Variants in DIPK1C observed in about 807,000 individuals in gnomAD.
DIPK1C encodes divergent protein kinase domain 1C.
Under a neutral mutation model 28.0 loss-of-function variants are expected in DIPK1C, and 33 were observed. The ratio of observed to expected loss-of-function variants is 1.18; its 90% CI spans 0.89 to 1.58. DIPK1C has a LOEUF of 1.58. DIPK1C is among the 40% of genes most tolerant of loss of function. The pLI, the probability that DIPK1C is intolerant of heterozygous loss-of-function variation, is 0.00. For missense variants in DIPK1C, 569 were observed against 568.5 expected, an observed-to-expected ratio of 1.00 and a Z score of -0.01; for synonymous variants, 255 against 248.8, an observed-to-expected ratio of 1.02 and a Z score of -0.23.
At chr18:74,441,790 G>A (rs540462511) in intron 3 of DIPK1C, among the ~76,000 whole-genome samples, 162 bp downstream of exon 3, 6 of 152,180 alleles carry the variant, frequency 3.9e-5, no homozygotes, top group East Asian at 1.9e-4. Flanking sequence ...CCAAGAGCAC[G>A]ATTGTCCCAT....
chr18:74,439,848 A>T (rs1986079150), intron 3 of DIPK1C, among the ~76,000 whole-genome samples: 1 of 152,194 alleles, frequency 6.6e-6, no homozygotes. Context: ...AATAAAAAGT[A>T]AAAAAGTAAG....
At chr18:74,463,589 C>T in the DIPK1C span, among the ~76,000 whole-genome samples, 1 of 152,158 alleles carries the variant, frequency 6.6e-6, no homozygotes, top group Non-Finnish European at 1.5e-5. Context: ...CGCCCTCACC[C>T]CCACGTACCC....
rs887439709 is a variant in DIPK1C at position 74,442,227 on chromosome 18, A to G, written c.877-111T>C. 36 of 1,275,790 alleles carry G rather than the reference A, an allele frequency of 2.8e-5. 1 individual carries two copies. The African/African-American group carries it at 4.6e-4, about 16-fold the overall frequency. 79.0% of individuals were successfully genotyped at this position (1,275,790 alleles called of 1,614,324 possible). A position where few individuals can be genotyped will look rare whatever the true frequency, so the allele number is the denominator to read the frequency against. ...GTGCGGGTGCCACTGTCCAGGTCAC[A>G]GGTGATCCCAGAAGTCCCAAGAGCC... On this transcript the variant is annotated intron_variant, in intron 2 of 3. Coordinates refer to ENST00000343998, the MANE Select transcript of DIPK1C (RefSeq NM_001044369.3).
At chr18:74,445,466 G>T (rs1013175171) in intron 2 of DIPK1C, among the ~76,000 whole-genome samples, 1 of 152,228 alleles carries the variant, frequency 6.6e-6, no homozygotes, top group Non-Finnish European at 1.5e-5. Context: ...GCCCTTCACA[G>T]GCATGAGGGC....
In DIPK1C at chr18:74,455,588, C is replaced by T. The variant is rs1252212232; in HGVS notation, c.198+1474G>A. On this transcript the variant is annotated intron_variant, in intron 1 of 3. Coordinates refer to ENST00000343998, the MANE Select transcript of DIPK1C (RefSeq NM_001044369.3). ...GGCGGATCGCCTGAGGTTGGGAGTT[C>T]GAGACGAGCCTGACCAACATGGACA... is the stretch of plus-strand genomic sequence containing the variant. Among the ~76,000 whole-genome samples the T allele has an allele frequency of 2.6e-5, 4 of 151,878 alleles. 1 individual carries two copies. Among genetic ancestry groups the T allele is most frequent in the Admixed American group, 1.3e-4 (2 of 15,262 alleles).
chr18:74,447,169 G>A lies in DIPK1C; in HGVS notation c.313C>T (p.Gln105Ter). Residue 105 changes from glutamine (Q) to a stop codon, truncating the protein, a stop_gained, in exon 2 of 4, where the codon CAG becomes TAG. Coordinates refer to ENST00000343998, the MANE Select transcript of DIPK1C (RefSeq NM_001044369.3). LOFTEE classifies it high-confidence loss of function. The surrounding 1 kb of genome is among the most constrained non-coding windows in gnomAD (Gnocchi z 4.1). ...ACGGGCCGGCCGCGCCAGTCGGCCT[G>A]CAGCACCTTCTTGCCTCTGTTGTAG... ...LHYNRGKKVL[Q>*]ADWRGRPVVL... 1 of 1,550,584 alleles carries A rather than the reference G, an allele frequency of 6.4e-7. No individual in the cohort carries two copies. The highest frequency in any genetic ancestry group is 1.2e-5 in the South Asian group (1 of 84,066).
chr18:74,451,497 AT>A (rs1400324153), intron 1 of DIPK1C, among the ~76,000 whole-genome samples: 10 of 152,302 alleles, frequency 6.6e-5, no homozygotes, highest in African/African-American at 2.4e-4. Context: ...ACTGTGCCTC[AT>A]CGATGAAATA....
In DIPK1C at chr18:74,457,092, G is replaced by A. The variant is rs1309943677; in HGVS notation, c.168C>T (p.Asp56=). ...HPGVLSERCT[D]EKSRRILAAL... is the part of the protein sequence containing the mutation. ...CGGCCAGGATGCGCCGGCTCTTCTCGTCGGTGCAGCGCTCGGAGAGGACAC... is the reference window on the plus strand; with the variant it reads ...CGGCCAGGATGCGCCGGCTCTTCTCATCGGTGCAGCGCTCGGAGAGGACAC... The change falls in exon 1 of 4, where the codon GAC becomes GAT. Residue 56 remains aspartate, a synonymous_variant. Transcript: ENST00000343998. The A allele has an allele frequency of 1.4e-6, 2 of 1,469,884 alleles. No homozygotes were observed. The highest frequency in any genetic ancestry group is 1.8e-6 in the Non-Finnish European group (2 of 1,119,350). 91.1% of individuals were successfully genotyped at this position (1,469,884 alleles called of 1,614,324 possible).
chr18:74,461,736 G>T (rs891905373), upstream of DIPK1C, among the ~76,000 whole-genome samples: 2 of 151,924 alleles, frequency 1.3e-5, no homozygotes, highest in African/African-American at 4.8e-5. Context: ...ACTACTGCTG[G>T]GTTATAGTCG....
intron 3 of DIPK1C, among the ~76,000 whole-genome samples, chr18:74,436,978 C>G (rs1986013143): frequency 6.6e-6 from 1 of 152,024 alleles, no homozygotes; most frequent in Non-Finnish European, 1.5e-5. Context: ...CCCTTTCCAG[C>G]CCCCTAGCAG....
chr18:74,452,460 C>T (rs1046200182), intron 1 of DIPK1C, among the ~76,000 whole-genome samples: 8 of 151,982 alleles, frequency 5.3e-5, no homozygotes, highest in Non-Finnish European at 1.0e-4. Context: ...AAATTTTCAT[C>T]GGGCCAGGCA....
rs377261828 is a variant in DIPK1C, at chr18:74,441,996, G to A, written c.997C>T (p.Arg333Ter). ...FFDCFSRCDL[R>*]VNKCGAQRVN... Reference sequence around the variant, plus strand: ...CGCTGCGCTCCGCATTTGTTGACTCGTAAATCACATCTTGAAAAACAGTCA... The same window carrying A: ...CGCTGCGCTCCGCATTTGTTGACTCATAAATCACATCTTGAAAAACAGTCA... Residue 333 changes from arginine to a stop codon, truncating the protein, a stop_gained, in exon 3 of 4, where the codon CGA becomes TGA. Coordinates refer to ENST00000343998, the MANE Select transcript of DIPK1C (RefSeq NM_001044369.3). LOFTEE classifies it low-confidence loss of function (END_TRUNC). The A allele has an allele frequency of 1.8e-5, 29 of 1,613,974 alleles. No homozygotes were observed. The highest frequency in any genetic ancestry group is 8.9e-5 in the East Asian group (4 of 44,890).
upstream of DIPK1C, among the ~76,000 whole-genome samples, chr18:74,462,650 A>G (rs575490815): frequency 6.6e-6 from 1 of 151,618 alleles, no homozygotes; most frequent in Non-Finnish European, 1.5e-5. Flanking sequence ...GTCTCATAGT[A>G]CATATATGTT....
chr18:74,450,514 G>C (rs1392761590), intron 1 of DIPK1C, among the ~76,000 whole-genome samples: 3 of 152,140 alleles, frequency 2.0e-5, no homozygotes, highest in African/African-American at 7.3e-5. Context: ...GGAGAAAAAT[G>C]TCAGAGACAC....
At chr18:74,438,992 C>T (rs548780339) in intron 3 of DIPK1C, among the ~76,000 whole-genome samples, 2 of 152,354 alleles carry the variant, frequency 1.3e-5, no homozygotes, top group Admixed American at 1.3e-4. Context: ...AAGGCCCCTT[C>T]CACCCTCTAC....
intron 1 of DIPK1C, among the ~76,000 whole-genome samples, chr18:74,455,416 A>C (rs1986484660): frequency 6.6e-6 from 1 of 152,202 alleles, no homozygotes; most frequent in Admixed American, 6.5e-5. Context: ...CAAAAAAAGA[A>C]AACCAGGGGG....
At chr18:74,457,618 T>C (rs191576662), upstream of DIPK1C, among the ~76,000 whole-genome samples, 182 of 152,272 alleles carry the variant, frequency 1.2e-3, 1 homozygote, top group East Asian at 0.029. Flanking sequence ...ACTACATATC[T>C]TTAATTGTCA....
chr18:74,450,057 G>A (rs1599040625), intron 1 of DIPK1C, among the ~76,000 whole-genome samples: 2 of 152,208 alleles, frequency 1.3e-5, no homozygotes, highest in African/African-American at 4.8e-5. Flanking sequence ...GAGGTGAGGT[G>A]AGGACGAATG....
In DIPK1C at chr18:74,447,189, T is replaced by C. The variant is rs1212973702; in HGVS notation, c.293A>G (p.Asn98Ser). ...GGCCTGCAGCACCTTCTTGCCTCTGTTGTAGTGCAGGCAGCGTTGGAACAG... is the reference window on the plus strand; with the variant it reads ...GGCCTGCAGCACCTTCTTGCCTCTGCTGTAGTGCAGGCAGCGTTGGAACAG... Reference protein sequence around the residue: ...ELLFQRCLHYNRGKKVLQADW... With the variant: ...ELLFQRCLHYSRGKKVLQADW... The change falls in exon 2 of 4, where the codon AAC becomes AGC. Residue 98 changes from asparagine (N) to serine (S), a missense_variant. Asn to Ser is a conservative substitution (Grantham distance 46). Coordinates refer to ENST00000343998, the MANE Select transcript of DIPK1C (RefSeq NM_001044369.3). This position sits in a 1 kb window ranked among gnomAD's most constrained non-coding sequence, Gnocchi z 4.1. The C allele has an allele frequency of 1.4e-5, 21 of 1,550,372 alleles. No homozygotes were observed. The highest frequency in any genetic ancestry group is 1.7e-5 in the Non-Finnish European group (20 of 1,146,952).
Sources: gnomAD v4.1 joint callset for allele counts (sites outside exome capture counted in the v4.1 genomes callset) on GRCh38, gnomAD v4.1.1 for gene constraint, Gnocchi (gnomAD v3.1) non-coding constraint, MANE v1.5 for transcripts, NCBI Gene and HGNC (gene_info 2026-07-23, HGNC 2026-07-21) for gene names.